Variants in CHD3 observed in about 807,000 individuals in gnomAD.
CHD3 encodes ATP-dependent chromatin remodeler CHD3.
Under a neutral mutation model 248.9 loss-of-function variants are expected in CHD3, and 52 were observed. The observed-to-expected ratio is 0.21, with a 90% CI of 0.17 to 0.26. The LOEUF (loss-of-function observed/expected upper bound fraction) is 0.26. Ranked by LOEUF, CHD3 falls within the 10% of genes least tolerant of loss-of-function variation. The pLI, the probability that CHD3 is intolerant of heterozygous loss-of-function variation, is 1.00. For missense variants in CHD3, 1,482 were observed against 2,605.8 expected (o/e 0.57, Z 9.39); for synonymous variants, 985 against 985.2 (o/e 1.00, Z 0.00).
intron 8 of CHD3, 72 bp downstream of exon 8, chr17:7,894,680 C>T (rs1969390749): frequency 7.3e-6 from 11 of 1,501,148 alleles, no homozygotes; most frequent in South Asian, 1.2e-5. Flanking sequence ...GTTTCACTTA[C>T]CCTCTTCCTG....
At position 7,906,785 on chromosome 17, in the gene CHD3, G is replaced by T. The variant is rs939315402; in HGVS notation, c.4504-84G>T. 1.6e-5 allele frequency: 25 copies of T among 1,590,922 alleles called. No individual in the cohort carries two copies. The highest frequency in any genetic ancestry group is 2.0e-5 in the Non-Finnish European group (23 of 1,167,186). ...CTCTGTCCCTGAGTTGTAAGCTTGCGCTGGTGTGAGACGGAGGAGACTGGA... is the reference window on the plus strand; with the variant it reads ...CTCTGTCCCTGAGTTGTAAGCTTGCTCTGGTGTGAGACGGAGGAGACTGGA... On this transcript the variant is annotated intron_variant, in intron 29 of 39. Coordinates refer to ENST00000330494, the MANE Select transcript of CHD3 (RefSeq NM_001005273.3). The surrounding 1 kb of genome is among the most constrained non-coding windows in gnomAD (Gnocchi z 5.0).
rs372355352 is a variant in CHD3 at position 7,903,274 on chromosome 17, C to G, written c.3498C>G (p.Ala1166=). ...GCCACTTTCTCTTGCCCCTGCAGGC[C>G]TTTAGCCGGGCTCATCGGATTGGCC... is the stretch of plus-strand genomic sequence containing the variant. ...SDWNPHNDIQ[A]FSRAHRIGQA... The change falls in exon 23 of 40, where the codon GCC becomes GCG. Residue 1166 remains alanine (A), a splice_region_variant and synonymous_variant. Coordinates refer to ENST00000330494, the MANE Select transcript of CHD3 (RefSeq NM_001005273.3). The surrounding 1 kb of genome is among the most constrained non-coding windows in gnomAD (Gnocchi z 6.8). 5.6e-6 allele frequency: 9 copies of G among 1,613,794 alleles called. No homozygotes were observed. The highest frequency in any genetic ancestry group is 1.7e-4 in the Middle Eastern group (1 of 5,910).
Position 7,911,624 on chromosome 17 carries a change from C to A in CHD3, c.*39C>A. On this transcript the variant is annotated 3_prime_UTR_variant, in exon 40 of 40. Coordinates refer to ENST00000330494, the MANE Select transcript of CHD3 (RefSeq NM_001005273.3). The surrounding 1 kb of genome is among the most constrained non-coding windows in gnomAD (Gnocchi z 5.4). The stretch of plus-strand genomic sequence containing the variant: ...CTGCCCTTCACCCAGGCCCCGTCCC[C>A]GAGGCCGACCCCCAGCTCAAGCGCT... 1 of 1,612,836 alleles carries A rather than the reference C, an allele frequency of 6.2e-7. No homozygotes were observed. The highest frequency in any genetic ancestry group is 1.1e-5 in the South Asian group (1 of 90,948).
chr17:7,893,968 G>GT (rs1969265763), intron 6 of CHD3, 33 bp downstream of exon 6: 1 of 1,612,236 alleles, frequency 6.2e-7, no homozygotes, highest in Non-Finnish European at 8.5e-7. Context: ...CTAAACACCT[G>GT]GGGGCCAAGG....
chr17:7,896,629 T>C (rs1480376100), intron 10 of CHD3, among the ~76,000 whole-genome samples: 1 of 151,588 alleles, frequency 6.6e-6, no homozygotes, highest in Non-Finnish European at 1.5e-5. Context: ...GGTCTCGAAC[T>C]CCCAACCTCA....
intron 5 of CHD3, 103 bp downstream of exon 5, chr17:7,893,672 G>C (rs1368305986): frequency 6.5e-7 from 1 of 1,528,866 alleles, no homozygotes. Flanking sequence ...TGCTGGAGGA[G>C]AGATGCTTTC....
Position 7,899,627 on chromosome 17 carries a change from C to T in CHD3, c.2544+84C>T. 2 of 1,372,240 alleles carry T rather than the reference C, an allele frequency of 1.5e-6. No homozygotes were observed. Among genetic ancestry groups the T allele is most frequent in the East Asian group, 2.3e-5 (1 of 43,270 alleles). 85.0% of individuals were successfully genotyped at this position (1,372,240 alleles called of 1,614,324 possible). A position where few individuals can be genotyped will look rare whatever the true frequency, so the allele number is the denominator to read the frequency against. On this transcript the variant is annotated intron_variant, in intron 15 of 39. Transcript: ENST00000330494. This position sits in a 1 kb window ranked among gnomAD's most constrained non-coding sequence, Gnocchi z 6.8. ...GCCAGGAATTCAGTTTCTCTATTCC[C>T]CTCCTCACCTTTCTCCTCTTCCTCC...
upstream of CHD3, chr17:7,885,301 CCCTCCCCCGCCGCCGCCGCCGCCGCCG>C (rs1967648284): frequency 7.3e-6 from 1 of 137,462 alleles, no homozygotes; most frequent in Admixed American, 1.2e-4. Context: ...CCCGCCGCAC[CCCTCCCCCGCCGCCGCCGCCGCCGCCG>C]CCGCCGCCGC....
Position 7,899,667 on chromosome 17 carries a change from C to A in CHD3, c.2544+124C>A. 1 of 1,066,502 alleles carries A rather than the reference C, an allele frequency of 9.4e-7. No individual in the cohort carries two copies. Among genetic ancestry groups the A allele is most frequent in the Non-Finnish European group, 1.4e-6 (1 of 723,474 alleles). The allele number at this position is 1,066,502 out of a possible 1,614,324, so 66.1% of individuals were successfully genotyped here. A position where few individuals can be genotyped will look rare whatever the true frequency, so the allele number is the denominator to read the frequency against. ...CCTCTTCCTCCACCTGTCCTCCTGT[C>A]TCTGCACTACCATCCTAGAGATATG... On this transcript the variant is annotated intron_variant, in intron 15 of 39. Coordinates refer to ENST00000330494, the MANE Select transcript of CHD3 (RefSeq NM_001005273.3). This position sits in a 1 kb window ranked among gnomAD's most constrained non-coding sequence, Gnocchi z 6.8.
rs758029410 is a variant in CHD3 at position 7,910,968 on chromosome 17, T to C, written c.5876T>C (p.Ile1959Thr). ...NYSQMPAGSF[I>T]TAATNGPPVL... ...AGCCAGATGCCTGCAGGGTCCTTCA[T>C]CACAGGTCAGCTGGTGTTTTCCTAC... The change falls in exon 39 of 40, where the codon ATC (isoleucine) becomes ACC (threonine). Residue 1959 changes from isoleucine (I) to threonine (T), a missense_variant. Ile to Thr is a moderately conservative substitution (Grantham distance 89). Around this residue, in one of 20 missense-constraint regions of CHD3, gnomAD observed 117 missense variants for 137.2 expected, o/e 0.85. Transcript: ENST00000330494. The surrounding 1 kb of genome is among the most constrained non-coding windows in gnomAD (Gnocchi z 4.7). 1 of 1,612,658 alleles carries C rather than the reference T, an allele frequency of 6.2e-7. No homozygotes were observed. The highest frequency in any genetic ancestry group is 2.2e-5 in the East Asian group (1 of 44,868).
At position 7,905,748 on chromosome 17, in the gene CHD3, A is replaced by T. The variant is rs1462662844; in HGVS notation, c.4224+42A>T. 5.0e-6 allele frequency: 8 copies of T among 1,612,952 alleles called. No individual in the cohort carries two copies. The highest frequency in any genetic ancestry group is 6.8e-6 in the Non-Finnish European group (8 of 1,179,006). On this transcript the variant is annotated intron_variant, in intron 27 of 39. Coordinates refer to ENST00000330494, the MANE Select transcript of CHD3 (RefSeq NM_001005273.3). This position sits in a 1 kb window ranked among gnomAD's most constrained non-coding sequence, Gnocchi z 5.8. ...GTGTTCCTGAGTTCTCCAAGAGGGC[A>T]TGAGGGCAGGAGGTTGGAAGTTGGT...
Position 7,905,402 on chromosome 17 carries a change from T to C in CHD3, c.4139-219T>C, listed in dbSNP as rs1241281876. On this transcript the variant is annotated intron_variant, in intron 26 of 39. Transcript: ENST00000330494. The surrounding 1 kb of genome is among the most constrained non-coding windows in gnomAD (Gnocchi z 5.8). The stretch of plus-strand genomic sequence containing the variant: ...TCATTTTCCATTCCCACTGGTAATC[T>C]GGGCCTTTGTCAGATATCAGCTGTT... The C allele has an allele frequency of 1.6e-6, 1 of 614,730 alleles. No homozygotes were observed. Among genetic ancestry groups the C allele is most frequent in the African/African-American group, 1.8e-5 (1 of 54,078 alleles). 38.1% of individuals were successfully genotyped at this position (614,730 alleles called of 1,614,324 possible). A position where few individuals can be genotyped will look rare whatever the true frequency, so the allele number is the denominator to read the frequency against.
At chr17:7,894,756 C>T in intron 8 of CHD3, 148 bp downstream of exon 8, 2 of 1,352,620 alleles carry the variant, frequency 1.5e-6, no homozygotes, top group East Asian at 2.3e-5. Flanking sequence ...GTATTCCTTT[C>T]TCCCACAATC....
rs1969909556 is a variant in CHD3, at chr17:7,898,163, T to C, written c.2051+61T>C. On this transcript the variant is annotated intron_variant, in intron 12 of 39. Transcript: ENST00000330494. ...ACGATGAGGGCATGAAAGCCAAAAC[T>C]CCAGCATAAAATGAGGGTACAGTAG... The C allele has an allele frequency of 1.9e-6, 3 of 1,591,566 alleles. No homozygotes were observed. In the East Asian group the frequency reaches 6.7e-5, roughly 36 times the overall value.
In CHD3 at chr17:7,888,805, CT is replaced by C; in HGVS notation, c.-195del. The C allele has an allele frequency of 7.0e-7, 1 of 1,422,698 alleles. No homozygotes were observed. The highest frequency in any genetic ancestry group is 9.1e-7 in the Non-Finnish European group (1 of 1,092,918). The allele number at this position is 1,422,698 out of a possible 1,614,324, so 88.1% of individuals were successfully genotyped here. On this transcript the variant is annotated 5_prime_UTR_variant, in exon 1 of 40. Transcript: ENST00000330494. ...TCTGTGCCTATATCTTTGTTTGGGTCTCCCATACTGCGTATAGATGAATGGG... is the reference window on the plus strand; with the variant it reads ...TCTGTGCCTATATCTTTGTTTGGGTCCCCATACTGCGTATAGATGAATGGG...
chr17:7,903,170 G>A lies in CHD3; in HGVS notation c.3496-102G>A. On this transcript the variant is annotated intron_variant, in intron 22 of 39. Transcript: ENST00000330494. The surrounding 1 kb of genome is among the most constrained non-coding windows in gnomAD (Gnocchi z 6.8). Reference sequence around the variant, plus strand: ...GAAATAAATCTCTTCTGGGAGGAGAGAAGGCCCTTCTTCAGCAGCCTTCTT... The same window carrying A: ...GAAATAAATCTCTTCTGGGAGGAGAAAAGGCCCTTCTTCAGCAGCCTTCTT... 6.4e-7 allele frequency: 1 copy of A among 1,570,648 alleles called. No individual in the cohort carries two copies. The highest frequency in any genetic ancestry group is 8.7e-7 in the Non-Finnish European group (1 of 1,150,040).
In CHD3 at chr17:7,895,328, C is replaced by T. The variant is rs1408870075; in HGVS notation, c.1504-11C>T. 6.2e-7 allele frequency: 1 copy of T among 1,613,870 alleles called. No homozygotes were observed. Among genetic ancestry groups the T allele is most frequent in the Non-Finnish European group, 8.5e-7 (1 of 1,179,846 alleles). ...TTTCTTTCCTCCTCCTTGTACGTGT[C>T]CATCCCAAAGTGCCCCGTGCTGAAG... is the stretch of plus-strand genomic sequence containing the variant. On this transcript the variant is annotated splice_polypyrimidine_tract_variant and intron_variant, in intron 9 of 39. Coordinates refer to ENST00000330494, the MANE Select transcript of CHD3 (RefSeq NM_001005273.3). This position sits in a 1 kb window ranked among gnomAD's most constrained non-coding sequence, Gnocchi z 4.9.
intron 4 of CHD3, among the ~76,000 whole-genome samples, chr17:7,892,155 T>C (rs946541614): frequency 2.0e-5 from 3 of 152,176 alleles, no homozygotes; most frequent in Admixed American, 6.5e-5. Flanking sequence ...TTAGTAACGT[T>C]GTCTCACCTA....
chr17:7,898,470 C>A, intron 12 of CHD3, 26 bp from the exon 13 acceptor site: 1 of 1,559,570 alleles, frequency 6.4e-7, no homozygotes, highest in South Asian at 1.1e-5. Context: ...AGGATGAGGC[C>A]TCATTCAGAC....
Sources: allele counts gnomAD v4.1 joint callset (sites outside exome capture counted in the v4.1 genomes callset), GRCh38; gene constraint gnomAD v4.1.1; regional missense constraint gnomAD v4.1.1; non-coding constraint Gnocchi (gnomAD v3.1); transcripts MANE v1.5; gene names NCBI Gene and HGNC (gene_info 2026-07-23, HGNC 2026-07-21).